The following TPD52L1 variants were observed in gnomAD, a reference collection of about 807,000 sequenced individuals.
TPD52L1 encodes the protein tumor protein D53.
A neutral mutation model predicts 28.7 loss-of-function variants in TPD52L1; 18 were observed. That is an observed-to-expected ratio of 0.63 (90% CI 0.43 to 0.93). TPD52L1 has a LOEUF of 0.93. TPD52L1 is among the 40% of genes least tolerant of loss of function. The pLI is 0.00. For synonymous variants in TPD52L1, 75 were observed against 88.8 expected (o/e 0.84, Z 0.88); for missense variants, 203 against 254.8 (o/e 0.80, Z 1.39).
chr6:125,259,356 C>T (rs1583031796), intron 6 of TPD52L1, among the ~76,000 whole-genome samples: 1 of 152,238 alleles, frequency 6.6e-6, no homozygotes, highest in South Asian at 2.1e-4. Flanking sequence ...CCATGTGGCA[C>T]TTGTACCAAA....
intron 1 of TPD52L1, among the ~76,000 whole-genome samples, chr6:125,211,969 C>A (rs773510097): frequency 2.0e-5 from 3 of 152,088 alleles, no homozygotes; most frequent in Non-Finnish European, 4.4e-5. Flanking sequence ...TGTTTTATAT[C>A]TTTAATTTCC....
At chr6:125,185,414 C>G (rs1792535414) in intron 1 of TPD52L1, among the ~76,000 whole-genome samples, 1 of 152,002 alleles carries the variant, frequency 6.6e-6, no homozygotes, top group African/African-American at 2.4e-5. Flanking sequence ...TTGAAAAATT[C>G]AAAAGAGCGT....
intron 2 of TPD52L1, among the ~76,000 whole-genome samples, chr6:125,225,404 G>A (rs1795545223): frequency 6.6e-6 from 1 of 152,152 alleles, no homozygotes; most frequent in Non-Finnish European, 1.5e-5. Context: ...TTAATTCTGT[G>A]TTTAACTTTC....
intron 1 of TPD52L1, among the ~76,000 whole-genome samples, chr6:125,163,701 G>A (rs1291398950): frequency 2.0e-5 from 3 of 151,362 alleles, no homozygotes; most frequent in Non-Finnish European, 2.9e-5. Context: ...TGAGGTGGGC[G>A]GATCACCTGA....
chr6:125,251,992 G>T, intron 4 of TPD52L1: 1 of 1,535,990 alleles, frequency 6.5e-7, no homozygotes, highest in Non-Finnish European at 8.7e-7. Context: ...CTCTGCTCCT[G>T]CTCTTCTCTC....
chr6:125,248,401 C>T lies in TPD52L1; in HGVS notation c.386+18C>T. 1.3e-6 allele frequency: 2 copies of T among 1,599,960 alleles called. No homozygotes were observed. Among genetic ancestry groups the T allele is most frequent in the South Asian group, 2.2e-5 (2 of 90,790 alleles). ...GACATGAGGTACTGTGGGAAAATAC[C>T]ATGGGAACGGCGCTAAGCCCTTGGC... On this transcript the variant is annotated intron_variant, in intron 4 of 6. Transcript: ENST00000534000.
intron 1 of TPD52L1, chr6:125,214,401 T>A: frequency 1.0e-6 from 1 of 968,518 alleles, no homozygotes; most frequent in Non-Finnish European, 1.2e-6. Flanking sequence ...CTCTCCTCAT[T>A]CTCTCCTCCT....
chr6:125,210,176 A>G (rs1175881159), intron 1 of TPD52L1, among the ~76,000 whole-genome samples: 1 of 152,252 alleles, frequency 6.6e-6, no homozygotes, highest in African/African-American at 2.4e-5. Context: ...CAATGAGCTC[A>G]GAGACCTGTA....
chr6:125,242,158 C>T (rs1381679446), intron 3 of TPD52L1, among the ~76,000 whole-genome samples: 1 of 151,766 alleles, frequency 6.6e-6, no homozygotes, highest in Non-Finnish European at 1.5e-5. Flanking sequence ...AGTCAGGATA[C>T]TTGATATGAA....
intron 1 of TPD52L1, among the ~76,000 whole-genome samples, chr6:125,167,922 AAGAGATTC>A (rs1791014600): frequency 6.6e-6 from 1 of 152,214 alleles, no homozygotes. Flanking sequence ...TACATCTGAA[AAGAGATTC>A]AGACATACTT....
At chr6:125,211,393 C>T (rs1582936673) in intron 1 of TPD52L1, among the ~76,000 whole-genome samples, 1 of 151,660 alleles carries the variant, frequency 6.6e-6, no homozygotes, top group East Asian at 1.9e-4. Context: ...AATTGCAAGA[C>T]ATAATTGATT....
chr6:125,255,792 A>G (rs1797561605), intron 5 of TPD52L1, among the ~76,000 whole-genome samples: 1 of 151,444 alleles, frequency 6.6e-6, no homozygotes, highest in African/African-American at 2.4e-5. Flanking sequence ...TTCAACATTT[A>G]GTTGAATTAT....
At chr6:125,160,316 C>T (rs1790435380) in intron 1 of TPD52L1, among the ~76,000 whole-genome samples, 1 of 152,042 alleles carries the variant, frequency 6.6e-6, no homozygotes, top group Non-Finnish European at 1.5e-5. Flanking sequence ...ATTTATAGAG[C>T]ACATTTTCTA....
At chr6:125,187,926 AG>A (rs1459726463) in intron 1 of TPD52L1, among the ~76,000 whole-genome samples, 1 of 144,990 alleles carries the variant, frequency 6.9e-6, no homozygotes, top group African/African-American at 2.5e-5. Flanking sequence ...AACTAAACTG[AG>A]ATTTTTTTTT....
chr6:125,243,242 TTCTTTG>T (rs1796721875), intron 3 of TPD52L1, among the ~76,000 whole-genome samples: 1 of 152,158 alleles, frequency 6.6e-6, no homozygotes, highest in Non-Finnish European at 1.5e-5. Context: ...TAAGATTCTT[TTCTTTG>T]TCTTGATTTT....
intron 1 of TPD52L1, among the ~76,000 whole-genome samples, chr6:125,214,092 T>C (rs1454298633): frequency 6.6e-6 from 1 of 152,092 alleles, no homozygotes; most frequent in East Asian, 1.9e-4. Context: ...AGTTGAAAGC[T>C]GAAACTGCAA....
chr6:125,246,514 A>G (rs1796933435), intron 3 of TPD52L1, among the ~76,000 whole-genome samples: 1 of 152,176 alleles, frequency 6.6e-6, no homozygotes, highest in Non-Finnish European at 1.5e-5. Context: ...TGTCTCCTTG[A>G]TAATAATATT....
intron 1 of TPD52L1, among the ~76,000 whole-genome samples, chr6:125,202,107 A>C (rs1793831681): frequency 6.6e-6 from 1 of 152,196 alleles, no homozygotes; most frequent in South Asian, 2.1e-4. Flanking sequence ...TTGTGGTTGC[A>C]TCATGGCATC....
At position 125,156,463 on chromosome 6, in the gene TPD52L1, C is replaced by CAAAAAAAAAA. The variant is rs758623258; in HGVS notation, c.19+2501_19+2510dup. Among the ~76,000 whole-genome samples, 55 of 37,214 alleles carry CAAAAAAAAAA rather than the reference C, an allele frequency of 1.5e-3. 1 individual carries two copies. Among genetic ancestry groups the CAAAAAAAAAA allele is most frequent in the Admixed American group, 4.6e-3 (14 of 3,054 alleles). The allele number at this position is 37,214 out of a possible 152,430, so 24.4% of individuals were successfully genotyped here. A position where few individuals can be genotyped will look rare whatever the true frequency, so the allele number is the denominator to read the frequency against. ...TCTGGACAAGAGTGAGACCTTGTCT[C>CAAAAAAAAAA]AAAAAAAAAAAAAAAAAGAGAGAGA... is the stretch of plus-strand genomic sequence containing the variant. On this transcript the variant is annotated intron_variant, in intron 1 of 6. Coordinates refer to ENST00000534000, the MANE Select transcript of TPD52L1 (RefSeq NM_003287.4).
Sources: allele counts gnomAD v4.1 joint callset (sites outside exome capture counted in the v4.1 genomes callset), GRCh38; gene constraint gnomAD v4.1.1; transcripts MANE v1.5; gene names NCBI Gene and HGNC (gene_info 2026-07-23, HGNC 2026-07-21).